PPFIA4: variants seen among roughly 807,000 people sequenced by gnomAD.
PPFIA4 encodes liprin-alpha-4.
PPFIA4 carries 98 observed loss-of-function variants against 145.7 expected under a neutral mutation model. The observed-to-expected ratio is 0.67, with a 90% CI of 0.57 to 0.80. PPFIA4 has a LOEUF of 0.80. Among genes scored for constraint, PPFIA4 ranks in the 30% least tolerant of loss-of-function variants. The pLI is 0.00. For missense variants in PPFIA4, 1,457 were observed against 1,632.7 expected (o/e 0.89, Z 1.85); for synonymous variants, 628 against 649.6 (o/e 0.97, Z 0.51).
chr1:203,058,341 C>T (rs1016285521), intron 19 of PPFIA4, among the ~76,000 whole-genome samples: 2 of 152,128 alleles, frequency 1.3e-5, no homozygotes, highest in African/African-American at 4.8e-5. Context: ...ATGGCCACCT[C>T]TGCTCAGAAT....
In PPFIA4 at chr1:203,076,784, A is replaced by G. The variant is rs1444085115; in HGVS notation, c.*394A>G. 4.0e-6 allele frequency: 1 copy of G among 250,056 alleles called. No individual in the cohort carries two copies. The highest frequency in any genetic ancestry group is 7.8e-6 in the Non-Finnish European group (1 of 128,968). The allele number at this position is 250,056 out of a possible 1,614,324, so 15.5% of individuals were successfully genotyped here. ...CACAGGCTGGGATGGTCCTTCCAAG[A>G]AAGGGTCATTTCAGACGCAGCCCTG... is the stretch of plus-strand genomic sequence containing the variant. On this transcript the variant is annotated 3_prime_UTR_variant, in exon 30 of 30. Coordinates refer to ENST00000295706, the MANE Select transcript of PPFIA4 (RefSeq NM_001304331.2).
At chr1:203,034,861 T>C (rs1471258123) in intron 1 of PPFIA4, 1 of 358,644 alleles carries the variant, frequency 2.8e-6, no homozygotes, top group African/African-American at 2.1e-5. Context: ...TCTACCCCTC[T>C]TTGGCATGAG....
chr1:203,045,798 AGG>A, intron 7 of PPFIA4, 41 bp from the exon 8 acceptor site: 1 of 1,612,224 alleles, frequency 6.2e-7, no homozygotes. Flanking sequence ...GATGGGGGCA[AGG>A]AAAGGCTGGT....
Position 203,043,784 on chromosome 1 carries a change from T to A in PPFIA4, c.337-147T>A. 1.2e-6 allele frequency: 1 copy of A among 864,452 alleles called. No individual in the cohort carries two copies. Among genetic ancestry groups the A allele is most frequent in the Non-Finnish European group, 1.7e-6 (1 of 577,418 alleles). 53.5% of individuals were successfully genotyped at this position (864,452 alleles called of 1,614,324 possible). A position where few individuals can be genotyped will look rare whatever the true frequency, so the allele number is the denominator to read the frequency against. On this transcript the variant is annotated intron_variant, in intron 3 of 29. Coordinates refer to ENST00000295706, the MANE Select transcript of PPFIA4 (RefSeq NM_001304331.2). This position sits in a 1 kb window ranked among gnomAD's most constrained non-coding sequence, Gnocchi z 4.4. Reference sequence around the variant, plus strand: ...GAGTAGTATCAGTTGGGGCGGGAGCTCTGTGCCCATTTGGAAGTATTTCAG... The same window carrying A: ...GAGTAGTATCAGTTGGGGCGGGAGCACTGTGCCCATTTGGAAGTATTTCAG...
At chr1:203,032,941 G>A (rs1658956587) in intron 1 of PPFIA4, among the ~76,000 whole-genome samples, 1 of 152,156 alleles carries the variant, frequency 6.6e-6, no homozygotes, top group East Asian at 1.9e-4. Context: ...GTCTTGGGAA[G>A]AGGTGGCCCA....
Position 203,043,804 on chromosome 1 carries a change from T to C in PPFIA4, c.337-127T>C, listed in dbSNP as rs963047699. 12 of 973,562 alleles carry C rather than the reference T, an allele frequency of 1.2e-5. No homozygotes were observed. The highest frequency in any genetic ancestry group is 2.9e-5 in the Admixed American group (1 of 34,928). 60.3% of individuals were successfully genotyped at this position (973,562 alleles called of 1,614,324 possible). A position where few individuals can be genotyped will look rare whatever the true frequency, so the allele number is the denominator to read the frequency against. On this transcript the variant is annotated intron_variant, in intron 3 of 29. Coordinates refer to ENST00000295706, the MANE Select transcript of PPFIA4 (RefSeq NM_001304331.2). The surrounding 1 kb of genome is among the most constrained non-coding windows in gnomAD (Gnocchi z 4.4). The stretch of plus-strand genomic sequence containing the variant: ...GGAGCTCTGTGCCCATTTGGAAGTA[T>C]TTCAGTGTTTTCACAGTGGGGTGGC...
At chr1:203,035,259 G>A in intron 1 of PPFIA4, 1 of 456,594 alleles carries the variant, frequency 2.2e-6, no homozygotes, top group Non-Finnish European at 4.4e-6. Flanking sequence ...CCGGGCTGTG[G>A]TCTCCGCAGG....
intron 16 of PPFIA4, 51 bp from the exon 17 acceptor site, chr1:203,056,069 C>G (rs1660921127): frequency 6.2e-7 from 1 of 1,608,596 alleles, no homozygotes; most frequent in African/African-American, 1.3e-5. Context: ...GGGGTTGGCT[C>G]TAGGGCACCC....
At position 203,057,457 on chromosome 1, in the gene PPFIA4, T is replaced by C. The variant is rs1661051503; in HGVS notation, c.2407+507T>C. Reference sequence around the variant, plus strand: ...AGGCAAGCGTGGCATCGTTATCACCTCTGTGATAGTATAAATGTCTAGTAC... The same window carrying C: ...AGGCAAGCGTGGCATCGTTATCACCCCTGTGATAGTATAAATGTCTAGTAC... On this transcript the variant is annotated intron_variant, in intron 19 of 29. Transcript: ENST00000295706. 2.0e-5 allele frequency among the ~76,000 whole-genome samples: 3 copies of C among 152,334 alleles called. No individual in the cohort carries two copies. The South Asian group carries it at 6.2e-4, about 32-fold the overall frequency.
intron 1 of PPFIA4, chr1:203,035,397 G>A (rs1345132497): frequency 4.6e-6 from 2 of 439,008 alleles, no homozygotes; most frequent in Non-Finnish European, 9.3e-6. Flanking sequence ...CCTCCTGTGT[G>A]TTAGGAAAAG....
In PPFIA4 at chr1:203,043,352, T is replaced by C; in HGVS notation, c.235-45T>C. 2.6e-6 allele frequency: 4 copies of C among 1,536,708 alleles called. No homozygotes were observed. The South Asian group carries it at 4.7e-5, about 18-fold the overall frequency. On this transcript the variant is annotated intron_variant, in intron 2 of 29. Coordinates refer to ENST00000295706, the MANE Select transcript of PPFIA4 (RefSeq NM_001304331.2). This position sits in a 1 kb window ranked among gnomAD's most constrained non-coding sequence, Gnocchi z 4.4. ...TGACTTGCATGTGCAGGACACTGCT[T>C]TGGGGGTGAATCCTGAAGCACTGAG...
In PPFIA4 at chr1:203,045,836, C is replaced by T. The variant is rs1660043574; in HGVS notation, c.859-5C>T. 6.2e-7 allele frequency: 1 copy of T among 1,612,862 alleles called. No homozygotes were observed. Among genetic ancestry groups the T allele is most frequent in the Non-Finnish European group, 8.5e-7 (1 of 1,179,876 alleles). Reference sequence around the variant, plus strand: ...TACCGTCCTTCTTGTCCCCTCTTCTCCCAGGCTCTGGCCCAGAAGGAGGAC... The same window carrying T: ...TACCGTCCTTCTTGTCCCCTCTTCTTCCAGGCTCTGGCCCAGAAGGAGGAC... On this transcript the variant is annotated splice_region_variant and splice_polypyrimidine_tract_variant and intron_variant, in intron 7 of 29. Transcript: ENST00000295706.
intron 28 of PPFIA4, among the ~76,000 whole-genome samples, chr1:203,073,971 A>C (rs1411151081): frequency 6.6e-6 from 1 of 152,178 alleles, no homozygotes; most frequent in Non-Finnish European, 1.5e-5. Context: ...TGAGTGCCTA[A>C]TGTGATCCCA....
At chr1:203,052,045 G>GCC (rs3215063) in intron 14 of PPFIA4, among the ~76,000 whole-genome samples, 168 bp downstream of exon 14, 14,833 of 102,592 alleles carry the variant, frequency 0.14, 2,026 homozygotes, top group East Asian at 0.3. Flanking sequence ...CAACAGCTGT[G>GCC]CCCCCCCCCC....
At position 203,055,982 on chromosome 1, in the gene PPFIA4, T is replaced by TC. The variant is rs1660911933; in HGVS notation, c.2071-137dup. ...TTCTAGGCCAGCTTTTTTTTTTTTT[T>TC]CTGGCGTGATATTCTCTCCGGGCCT... On this transcript the variant is annotated intron_variant, in intron 16 of 29. Coordinates refer to ENST00000295706, the MANE Select transcript of PPFIA4 (RefSeq NM_001304331.2). This position sits in a 1 kb window ranked among gnomAD's most constrained non-coding sequence, Gnocchi z 4.8. 1.2e-6 allele frequency: 1 copy of TC among 866,500 alleles called. No homozygotes were observed. The highest frequency in any genetic ancestry group is 2.7e-5 in the East Asian group (1 of 36,938). 53.7% of individuals were successfully genotyped at this position (866,500 alleles called of 1,614,324 possible).
At chr1:203,062,619 G>A (rs1661470115) in intron 24 of PPFIA4, among the ~76,000 whole-genome samples, 1 of 151,674 alleles carries the variant, frequency 6.6e-6, no homozygotes, top group African/African-American at 2.4e-5. Flanking sequence ...AACCCCACCA[G>A]CAGGAGACTG....
chr1:203,044,066 T>C lies in PPFIA4; in HGVS notation c.472T>C (p.Phe158Leu). The stretch of plus-strand genomic sequence containing the variant: ...GGTGCTGAAGGCCCTCAAGTCACTG[T>C]TTGAGCACCACAAGGCCCTGGATGA... ...VEVLKALKSL[F>L]EHHKALDEKV... The change falls in exon 4 of 30, where the codon TTT becomes CTT. Residue 158 changes from phenylalanine to leucine, a missense_variant. Physicochemically the swap from Phe to Leu is conservative, Grantham distance 22. Transcript: ENST00000295706. The C allele has an allele frequency of 6.2e-7, 1 of 1,608,044 alleles. No homozygotes were observed. The highest frequency in any genetic ancestry group is 1.1e-5 in the South Asian group (1 of 90,430).
chr1:203,076,094 G>C, intron 29 of PPFIA4: 1 of 595,840 alleles, frequency 1.7e-6, no homozygotes, highest in Non-Finnish European at 2.9e-6. Flanking sequence ...GGCCAGGCCC[G>C]GGGACGCGGG....
intron 25 of PPFIA4, among the ~76,000 whole-genome samples, chr1:203,065,467 C>T (rs1405949269): frequency 6.6e-6 from 1 of 152,188 alleles, no homozygotes; most frequent in East Asian, 1.9e-4. Flanking sequence ...GCCTGGGCTG[C>T]TAGAGGATCT....
Sources: gnomAD v4.1 joint callset for allele counts (sites outside exome capture counted in the v4.1 genomes callset) on GRCh38, gnomAD v4.1.1 for gene constraint, Gnocchi (gnomAD v3.1) non-coding constraint, MANE v1.5 for transcripts, NCBI Gene and HGNC (gene_info 2026-07-23, HGNC 2026-07-21) for gene names.